UQCC1: variants seen among roughly 807,000 people sequenced by gnomAD.
UQCC1 encodes the protein bFGF-repressed Zic-binding protein.
Under a neutral mutation model 48.0 loss-of-function variants are expected in UQCC1, and 38 were observed. The observed-to-expected ratio is 0.79, with a 90% CI of 0.61 to 1.04. UQCC1 has a LOEUF of 1.04. Among genes scored for constraint, UQCC1 ranks in the 50% least tolerant of loss-of-function variants. The pLI is 0.00. For synonymous variants in UQCC1, 111 were observed against 129.2 expected, an observed-to-expected ratio of 0.86 and a Z score of 0.95; for missense variants, 368 against 381.8, an observed-to-expected ratio of 0.96 and a Z score of 0.30.
intron 6 of UQCC1, among the ~76,000 whole-genome samples, chr20:35,352,661 TGTGA>T (rs2146402655): frequency 6.7e-6 from 1 of 149,838 alleles, no homozygotes; most frequent in South Asian, 2.1e-4. Flanking sequence ...CCTAGGCTAA[TGTGA>T]GTGTTTGAGT....
intron 3 of UQCC1, among the ~76,000 whole-genome samples, chr20:35,382,498 T>G (rs1568696641): frequency 6.7e-6 from 1 of 149,084 alleles, no homozygotes; most frequent in Admixed American, 6.7e-5. Flanking sequence ...AATTTTCTTT[T>G]TTTTTTCTTT....
At chr20:35,366,822 G>A (rs547526723) in intron 5 of UQCC1, among the ~76,000 whole-genome samples, 11 of 151,982 alleles carry the variant, frequency 7.2e-5, no homozygotes, top group Non-Finnish European at 1.0e-4. Flanking sequence ...GGATGGATGC[G>A]GTGGCTCATG....
intron 8 of UQCC1, among the ~76,000 whole-genome samples, chr20:35,309,917 C>T (rs539948277): frequency 1.3e-5 from 2 of 152,328 alleles, no homozygotes; most frequent in South Asian, 2.1e-4. Flanking sequence ...CATCTAACAG[C>T]AGCACAGAGT....
intron 4 of UQCC1, among the ~76,000 whole-genome samples, chr20:35,377,216 T>C (rs995309414): frequency 6.6e-6 from 1 of 152,186 alleles, no homozygotes; most frequent in Non-Finnish European, 1.5e-5. Context: ...TTTAAAAGGA[T>C]AGTATATCAT....
At chr20:35,320,694 G>A (rs1568654354) in intron 7 of UQCC1, among the ~76,000 whole-genome samples, 1 of 152,200 alleles carries the variant, frequency 6.6e-6, no homozygotes, top group African/African-American at 2.4e-5. Context: ...CTGAGGTTGA[G>A]AGTGGGTGTA....
Position 35,303,816 on chromosome 20 carries a change from G to T in UQCC1, c.*119C>A. The T allele has an allele frequency of 1.5e-6, 2 of 1,374,354 alleles. No homozygotes were observed. The highest frequency in any genetic ancestry group is 1.0e-6 in the Non-Finnish European group (1 of 983,312). 85.1% of individuals were successfully genotyped at this position (1,374,354 alleles called of 1,614,324 possible). On this transcript the variant is annotated 3_prime_UTR_variant, in exon 10 of 10. Transcript: ENST00000374385. ...TCAACACAAATGGGGCCAGGTATTTGACAGATGCTGTTCAGAGGTCAGTTC... is the reference window on the plus strand; with the variant it reads ...TCAACACAAATGGGGCCAGGTATTTTACAGATGCTGTTCAGAGGTCAGTTC...
intron 5 of UQCC1, among the ~76,000 whole-genome samples, chr20:35,373,979 C>T (rs2061765178): frequency 6.6e-6 from 1 of 152,090 alleles, no homozygotes; most frequent in South Asian, 2.1e-4. Context: ...TTTAGGCCAG[C>T]CCGGGCAACA....
chr20:35,390,615 T>C (rs1207687546), intron 2 of UQCC1, among the ~76,000 whole-genome samples: 1 of 151,880 alleles, frequency 6.6e-6, no homozygotes, highest in Non-Finnish European at 1.5e-5. Flanking sequence ...TGTTAACATA[T>C]CATTAAAAAA....
chr20:35,348,183 G>A (rs999480090), intron 6 of UQCC1, among the ~76,000 whole-genome samples: 1 of 152,036 alleles, frequency 6.6e-6, no homozygotes, highest in African/African-American at 2.4e-5. Context: ...CTATGGTTAG[G>A]GCCAAGTTTA....
intron 7 of UQCC1, among the ~76,000 whole-genome samples, chr20:35,334,009 T>A (rs1216794205): frequency 6.6e-6 from 1 of 152,182 alleles, no homozygotes; most frequent in African/African-American, 2.4e-5. Context: ...CATATATGCT[T>A]CTAGGTTAAA....
At chr20:35,410,610 C>A (rs2062336726) in intron 1 of UQCC1, among the ~76,000 whole-genome samples, 1 of 143,556 alleles carries the variant, frequency 7.0e-6, no homozygotes, top group East Asian at 2.0e-4. Flanking sequence ...GAGGCTGGCA[C>A]AGGAGAATTG....
intron 2 of UQCC1, chr20:35,384,648 T>TAAAA (rs386393686): frequency 1.3e-3 from 505 of 382,882 alleles, no homozygotes; most frequent in East Asian, 2.9e-3. Flanking sequence ...ACCCTGTCTG[T>TAAAA]AAAAAAAAAA....
chr20:35,356,232 T>C (rs549253988), intron 6 of UQCC1, among the ~76,000 whole-genome samples: 4 of 152,284 alleles, frequency 2.6e-5, no homozygotes, highest in Non-Finnish European at 5.9e-5. Flanking sequence ...TTACATCTGA[T>C]ATTGGAATGG....
At chr20:35,409,915 C>G in intron 1 of UQCC1, 1 of 152,194 alleles carries the variant, frequency 6.6e-6, no homozygotes. Context: ...AAGCAATTCT[C>G]GTGTCTCAGC....
At chr20:35,402,513 G>C (rs950774616) in intron 1 of UQCC1, among the ~76,000 whole-genome samples, 2 of 151,932 alleles carry the variant, frequency 1.3e-5, no homozygotes, top group Non-Finnish European at 2.9e-5. Flanking sequence ...GGGAGGCGGA[G>C]CTTGCAGTGA....
At chr20:35,343,675 TA>T (rs2061404367) in intron 7 of UQCC1, among the ~76,000 whole-genome samples, 1 of 152,214 alleles carries the variant, frequency 6.6e-6, no homozygotes, top group Non-Finnish European at 1.5e-5. Context: ...TCTTTGTAAC[TA>T]AACCGGAATT....
At chr20:35,335,446 A>G (rs2146356380) in intron 7 of UQCC1, among the ~76,000 whole-genome samples, 1 of 152,284 alleles carries the variant, frequency 6.6e-6, no homozygotes, top group East Asian at 1.9e-4. Flanking sequence ...CGGTCGGGGG[A>G]GTTGAGCAAA....
chr20:35,376,835 C>T lies in UQCC1; in HGVS notation c.334-2579G>A, dbSNP rs1210559284. Among the ~76,000 whole-genome samples the T allele has an allele frequency of 5.9e-5, 9 of 151,990 alleles. No homozygotes were observed. In the East Asian group the frequency reaches 1.2e-3, roughly 20 times the overall value. ...AAAATTAGCTGGGTGTGGTGGTACGCGCCTGTAGTCCCAGGCTGAGGCAGA... is the reference window on the plus strand; with the variant it reads ...AAAATTAGCTGGGTGTGGTGGTACGTGCCTGTAGTCCCAGGCTGAGGCAGA... On this transcript the variant is annotated intron_variant, in intron 4 of 9. Coordinates refer to ENST00000374385, the MANE Select transcript of UQCC1 (RefSeq NM_018244.5).
chr20:35,392,551 C>G (rs1348283836), intron 2 of UQCC1, among the ~76,000 whole-genome samples: 5 of 152,090 alleles, frequency 3.3e-5, no homozygotes, highest in Non-Finnish European at 5.9e-5. Context: ...ATACAAATAA[C>G]AAATACTATT....
Sources: gnomAD v4.1 joint callset for allele counts (sites outside exome capture counted in the v4.1 genomes callset) on GRCh38, gnomAD v4.1.1 for gene constraint, MANE v1.5 for transcripts, NCBI Gene and HGNC (gene_info 2026-07-23, HGNC 2026-07-21) for gene names.